The following ATP8A2 variants were observed in gnomAD, a reference collection of about 807,000 sequenced individuals.
ATP8A2 encodes the protein ATPase phospholipid transporting 8A2, also known as phospholipid-transporting ATPase IB.
Under a neutral mutation model 165.6 loss-of-function variants are expected in ATP8A2, and 100 were observed. The ratio of observed to expected loss-of-function variants is 0.60; its 90% CI spans 0.51 to 0.71. The LOEUF is 0.71. ATP8A2 is among the 30% of genes least tolerant of loss of function. The pLI, the probability that ATP8A2 is intolerant of heterozygous loss-of-function variation, is 0.00. For missense variants in ATP8A2, 1,227 were observed against 1,479.5 expected (o/e 0.83, Z 2.80); for synonymous variants, 543 against 548.8 (o/e 0.99, Z 0.15).
chr13:25,788,706 A>G (rs2045093126), intron 27 of ATP8A2, among the ~76,000 whole-genome samples: 1 of 152,244 alleles, frequency 6.6e-6, no homozygotes, highest in East Asian at 1.9e-4. Flanking sequence ...TCATTACCAT[A>G]GAGCAAAATC....
chr13:25,516,231 T>C (rs536718671), intron 2 of ATP8A2, among the ~76,000 whole-genome samples: 34 of 152,278 alleles, frequency 2.2e-4, no homozygotes, highest in African/African-American at 7.9e-4. Flanking sequence ...CCCTGTCTCC[T>C]TGGGAAGTGT....
At chr13:25,374,165 G>A (rs1010726731) in intron 1 of ATP8A2, among the ~76,000 whole-genome samples, 10 of 152,182 alleles carry the variant, frequency 6.6e-5, no homozygotes, top group Non-Finnish European at 1.3e-4. Flanking sequence ...GGAGGTCCCC[G>A]GAAACCCGGA....
chr13:25,479,068 G>C (rs533713635), intron 2 of ATP8A2, among the ~76,000 whole-genome samples: 5 of 152,170 alleles, frequency 3.3e-5, no homozygotes, highest in Admixed American at 1.3e-4. Flanking sequence ...GGATGGTATC[G>C]ATCTCCTGAC....
intron 24 of ATP8A2, among the ~76,000 whole-genome samples, chr13:25,637,603 G>A (rs150768398): frequency 0.011 from 1,681 of 152,236 alleles, 9 homozygotes; most frequent in Non-Finnish European, 0.017. Flanking sequence ...TAAACAAAGC[G>A]GCCAGGAAGC....
chr13:25,630,415 T>C (rs945649142), intron 24 of ATP8A2, among the ~76,000 whole-genome samples: 1 of 152,208 alleles, frequency 6.6e-6, no homozygotes, highest in Non-Finnish European at 1.5e-5. Context: ...CCCTTTTCCA[T>C]GCGACAGCAT....
chr13:25,871,133 T>G, intron 33 of ATP8A2: 1 of 354,938 alleles, frequency 2.8e-6, no homozygotes. Context: ...TTCAGAGGTT[T>G]TGTTGTGGTG....
chr13:25,926,755 T>A (rs1321500856), intron 33 of ATP8A2, among the ~76,000 whole-genome samples: 1 of 152,206 alleles, frequency 6.6e-6, no homozygotes, highest in Non-Finnish European at 1.5e-5. Flanking sequence ...ATCTCAGCAC[T>A]TTGGGAGGCC....
chr13:25,902,224 G>C (rs1000575), intron 33 of ATP8A2, among the ~76,000 whole-genome samples: 1 of 152,106 alleles, frequency 6.6e-6, no homozygotes, highest in African/African-American at 2.4e-5. Flanking sequence ...ATGCAATTCC[G>C]GTCAGAAGAC....
chr13:25,420,401 T>C (rs1490915296), intron 1 of ATP8A2, among the ~76,000 whole-genome samples: 2 of 152,238 alleles, frequency 1.3e-5, no homozygotes, highest in African/African-American at 2.4e-5. Flanking sequence ...CTCAAGGCTT[T>C]GGAAGAGGCT....
At chr13:25,554,022 AT>A in intron 12 of ATP8A2, 102 bp downstream of exon 12, 1 of 1,302,560 alleles carries the variant, frequency 7.7e-7, no homozygotes, top group South Asian at 1.4e-5. Flanking sequence ...TTCATTTACC[AT>A]TAGGTCCAGG....
At chr13:25,853,361 C>A (rs2138720018) in intron 30 of ATP8A2, among the ~76,000 whole-genome samples, 1 of 144,888 alleles carries the variant, frequency 6.9e-6, no homozygotes, top group South Asian at 2.2e-4. Context: ...CACTGCACTC[C>A]AGCCTGGTGA....
chr13:26,011,478 T>G (rs747433186), intron 35 of ATP8A2, among the ~76,000 whole-genome samples: 1 of 152,168 alleles, frequency 6.6e-6, no homozygotes, highest in Non-Finnish European at 1.5e-5. Context: ...GGGTAAAGAC[T>G]TCAACATGTG....
chr13:25,809,649 G>T (rs1950817858), intron 27 of ATP8A2, among the ~76,000 whole-genome samples: 2 of 152,046 alleles, frequency 1.3e-5, no homozygotes, highest in Admixed American at 1.3e-4. Context: ...CTTTTGAAAG[G>T]TTGGTGGGTC....
chr13:25,614,020 T>A (rs1033340673), intron 24 of ATP8A2, among the ~76,000 whole-genome samples: 2 of 152,216 alleles, frequency 1.3e-5, no homozygotes, highest in African/African-American at 4.8e-5. Flanking sequence ...ACCTAGGCGA[T>A]GATCTTTTTG....
intron 33 of ATP8A2, among the ~76,000 whole-genome samples, chr13:25,917,877 T>C (rs1954315957): frequency 6.6e-6 from 1 of 152,218 alleles, no homozygotes. Flanking sequence ...AGTTAATAGA[T>C]GTATCACAGC....
At chr13:25,477,648 A>T (rs2036031586) in intron 2 of ATP8A2, among the ~76,000 whole-genome samples, 1 of 152,150 alleles carries the variant, frequency 6.6e-6, no homozygotes, top group South Asian at 2.1e-4. Flanking sequence ...ATAAGTATAC[A>T]GTTTTCGGCC....
intron 25 of ATP8A2, among the ~76,000 whole-genome samples, chr13:25,712,103 T>G (rs2043170058): frequency 1.3e-5 from 2 of 152,120 alleles, no homozygotes; most frequent in South Asian, 4.1e-4. Flanking sequence ...GTCACCATAG[T>G]GTACAGGGCT....
chr13:25,826,887 AC>A (rs1951332452), intron 27 of ATP8A2, among the ~76,000 whole-genome samples: 1 of 146,832 alleles, frequency 6.8e-6, no homozygotes, highest in African/African-American at 2.6e-5. Flanking sequence ...TATTCAGATT[AC>A]ATCTGGATGA....
intron 35 of ATP8A2, among the ~76,000 whole-genome samples, chr13:25,982,308 C>T (rs1001263363): frequency 6.6e-6 from 1 of 152,196 alleles, no homozygotes; most frequent in African/African-American, 2.4e-5. Context: ...TGAAGACTCG[C>T]CTGTGACAAA....
Sources: allele counts gnomAD v4.1 joint callset (sites outside exome capture counted in the v4.1 genomes callset), GRCh38; gene constraint gnomAD v4.1.1; transcripts MANE v1.5; gene names NCBI Gene and HGNC (gene_info 2026-07-23, HGNC 2026-07-21).